SERGEF: variants seen among roughly 807,000 people sequenced by gnomAD.
SERGEF encodes the protein secretion-regulating guanine nucleotide exchange factor.
A neutral mutation model predicts 50.0 loss-of-function variants in SERGEF; 51 were observed. That is an observed-to-expected ratio of 1.02 (90% CI 0.81 to 1.29). The LOEUF is 1.29. Ranked by LOEUF, SERGEF falls within the 50% of genes most tolerant of loss-of-function variation. SERGEF has a pLI of 0.00. For missense variants in SERGEF, 521 were observed against 557.0 expected (o/e 0.94, Z 0.65); for synonymous variants, 205 against 212.4 (o/e 0.97, Z 0.30).
intron 10 of SERGEF, among the ~76,000 whole-genome samples, chr11:17,847,844 T>C (rs554752830): frequency 6.6e-6 from 1 of 152,286 alleles, no homozygotes; most frequent in South Asian, 2.1e-4. Flanking sequence ...ACTCAAGAAG[T>C]CTGTCTAGGG....
rs574025521 is a variant in SERGEF at position 17,845,371 on chromosome 11, G to A, written c.1048+32837C>T. On this transcript the variant is annotated intron_variant, in intron 10 of 10. Transcript: ENST00000265965. Reference sequence around the variant, plus strand: ...ACAGAAGCAGTGGTTAGAGGCGTAAGTAGAAGACTCAGTAGAGCTCACTGT... The same window carrying A: ...ACAGAAGCAGTGGTTAGAGGCGTAAATAGAAGACTCAGTAGAGCTCACTGT... Among the ~76,000 whole-genome samples the A allele has an allele frequency of 2.6e-5, 4 of 152,344 alleles. No individual in the cohort carries two copies. The East Asian group carries it at 7.7e-4, about 29-fold the overall frequency.
At chr11:17,824,178 G>A (rs1270487644) in intron 10 of SERGEF, among the ~76,000 whole-genome samples, 3 of 152,130 alleles carry the variant, frequency 2.0e-5, no homozygotes, top group Non-Finnish European at 4.4e-5. Flanking sequence ...GCGGGCGCCT[G>A]TAGTCCTAGC....
At chr11:17,881,538 T>A (rs541270268) in intron 9 of SERGEF, among the ~76,000 whole-genome samples, 1 of 152,322 alleles carries the variant, frequency 6.6e-6, no homozygotes, top group Middle Eastern at 3.4e-3. Flanking sequence ...AATGCTCCTG[T>A]CAGCATCTAC....
chr11:17,919,091 T>C (rs1852106905), intron 9 of SERGEF, among the ~76,000 whole-genome samples: 1 of 152,272 alleles, frequency 6.6e-6, no homozygotes, highest in South Asian at 2.1e-4. Flanking sequence ...TGCAACAAAC[T>C]AGGGTAAAAA....
chr11:17,839,473 C>G (rs1469485445), intron 10 of SERGEF, among the ~76,000 whole-genome samples: 1 of 152,136 alleles, frequency 6.6e-6, no homozygotes, highest in Non-Finnish European at 1.5e-5. Context: ...ACTCTCAGCA[C>G]CTGAAAGGAT....
chr11:17,860,064 T>C (rs1850899631), intron 10 of SERGEF, among the ~76,000 whole-genome samples: 1 of 151,854 alleles, frequency 6.6e-6, no homozygotes, highest in South Asian at 2.1e-4. Context: ...CATTTCAGAG[T>C]GGAACAGAAA....
intron 9 of SERGEF, among the ~76,000 whole-genome samples, chr11:17,921,826 G>A (rs1229464150): frequency 6.6e-6 from 1 of 152,328 alleles, no homozygotes; most frequent in South Asian, 2.1e-4. Flanking sequence ...TAGGGATACT[G>A]TAATTAGAAC....
rs1474944232 is a variant in SERGEF at position 17,888,440 on chromosome 11, G to A, written c.1012-10196C>T. Among the ~76,000 whole-genome samples the A allele has an allele frequency of 3.3e-5, 5 of 152,044 alleles. No homozygotes were observed. Among genetic ancestry groups the A allele is most frequent in the African/African-American group, 7.2e-5 (3 of 41,380 alleles). The stretch of plus-strand genomic sequence containing the variant: ...TAGGTTATTTTCTTTCATTGCATGC[G>A]TGTATCAATTCTGAAAGTATTTTGT... On this transcript the variant is annotated intron_variant, in intron 9 of 10. Transcript: ENST00000265965. The surrounding 1 kb of genome is among the most constrained non-coding windows in gnomAD (Gnocchi z 4.1).
rs892562947 is a variant in SERGEF at position 17,906,949 on chromosome 11, G to A, written c.1012-28705C>T. Reference sequence around the variant, plus strand: ...GCTCAGTGTCCTTGGAGCCACAGTTGTCCAAGTCTTGGGCCCTAGATGAGA... The same window carrying A: ...GCTCAGTGTCCTTGGAGCCACAGTTATCCAAGTCTTGGGCCCTAGATGAGA... On this transcript the variant is annotated intron_variant, in intron 9 of 10. Transcript: ENST00000265965. Among the ~76,000 whole-genome samples the A allele has an allele frequency of 2.8e-4, 42 of 151,920 alleles. 2 individuals carry two copies. The highest frequency in any genetic ancestry group is 2.6e-4 in the Admixed American group (4 of 15,248).
intron 8 of SERGEF, among the ~76,000 whole-genome samples, chr11:17,979,249 C>G (rs189191439): frequency 6.6e-6 from 1 of 152,222 alleles, no homozygotes; most frequent in African/African-American, 2.4e-5. Context: ...GGGGAAAAAA[C>G]TGCCAGGATT....
At chr11:17,824,617 T>C (rs911500324) in intron 10 of SERGEF, among the ~76,000 whole-genome samples, 1 of 152,156 alleles carries the variant, frequency 6.6e-6, no homozygotes, top group Non-Finnish European at 1.5e-5. Context: ...ACGTCTACAA[T>C]CAAGGTGCCA....
intron 4 of SERGEF, among the ~76,000 whole-genome samples, chr11:18,001,651 G>A (rs555638035): frequency 1.3e-5 from 2 of 152,182 alleles, no homozygotes; most frequent in East Asian, 3.8e-4. Context: ...AATGTTTGCT[G>A]TTTTAAGCTG....
In SERGEF at chr11:17,975,656, C is replaced by T. The variant is rs367715201; in HGVS notation, c.844+12941G>A. Among the ~76,000 whole-genome samples, 6 of 152,092 alleles carry T rather than the reference C, an allele frequency of 3.9e-5. No homozygotes were observed. In the East Asian group the frequency reaches 9.7e-4, roughly 25 times the overall value. On this transcript the variant is annotated intron_variant, in intron 8 of 10. Transcript: ENST00000265965. Reference sequence around the variant, plus strand: ...CGATGAGTAGAAAGCAAGCATGAGGCCTCAACAGAGGAGACTGCAAGAGCA... The same window carrying T: ...CGATGAGTAGAAAGCAAGCATGAGGTCTCAACAGAGGAGACTGCAAGAGCA...
intron 8 of SERGEF, among the ~76,000 whole-genome samples, chr11:17,976,813 A>AC (rs772200607): frequency 6.6e-6 from 1 of 152,266 alleles, no homozygotes; most frequent in Admixed American, 6.5e-5. Context: ...AGGGACCTCT[A>AC]CACCCTTCCC....
intron 9 of SERGEF, among the ~76,000 whole-genome samples, chr11:17,886,299 G>A (rs1205015672): frequency 6.6e-6 from 1 of 152,112 alleles, no homozygotes; most frequent in East Asian, 1.9e-4. Context: ...ATTAGCAACT[G>A]GCATAGGTTC....
chr11:18,012,972 C>A lies in SERGEF; in HGVS notation c.39G>T (p.Ala13=). 1 of 1,472,782 alleles carries A rather than the reference C, an allele frequency of 6.8e-7. No individual in the cohort carries two copies. Among genetic ancestry groups the A allele is most frequent in the Non-Finnish European group, 8.9e-7 (1 of 1,121,498 alleles). 91.2% of individuals were successfully genotyped at this position (1,472,782 alleles called of 1,614,324 possible). The part of the protein sequence containing the change: ...REPSASEAAP[A]AAALFAWGAN... ...GTACCCAGGCGAAGAGCGCGGCCGC[C>A]GCGGGGGCGGCCTCCGAGGCGCTGG... The change falls in exon 1 of 11, where the codon GCG becomes GCT. Residue 13 remains alanine, a synonymous_variant. Coordinates refer to ENST00000265965, the MANE Select transcript of SERGEF (RefSeq NM_012139.4).
chr11:18,012,881 C>A (rs1264019410), intron 1 of SERGEF, 70 bp downstream of exon 1: 2 of 1,529,662 alleles, frequency 1.3e-6, no homozygotes, highest in Non-Finnish European at 1.7e-6. Flanking sequence ...ACTGCCCACG[C>A]CGCGGCCAGC....
intron 8 of SERGEF, among the ~76,000 whole-genome samples, chr11:17,964,903 G>A (rs1408632631): frequency 6.6e-6 from 1 of 152,192 alleles, no homozygotes; most frequent in Non-Finnish European, 1.5e-5. Context: ...GTCAAACACA[G>A]AACTAACTGA....
At chr11:17,947,216 G>A (rs1852680176) in intron 9 of SERGEF, among the ~76,000 whole-genome samples, 1 of 152,154 alleles carries the variant, frequency 6.6e-6, no homozygotes, top group Admixed American at 6.5e-5. Context: ...ATCAAGATAT[G>A]GTGCCTATCC....
Sources: gnomAD v4.1 joint callset for allele counts (sites outside exome capture counted in the v4.1 genomes callset) on GRCh38, gnomAD v4.1.1 for gene constraint, Gnocchi (gnomAD v3.1) non-coding constraint, MANE v1.5 for transcripts, NCBI Gene and HGNC (gene_info 2026-07-23, HGNC 2026-07-21) for gene names.